Variants in MED1 observed in about 807,000 individuals in gnomAD.
MED1 encodes the protein mediator of RNA polymerase II transcription subunit 1.
MED1 carries 17 observed loss-of-function variants against 121.3 expected under a neutral mutation model. The observed-to-expected ratio is 0.14, with a 90% CI of 0.10 to 0.21. The LOEUF is 0.21. Ranked by LOEUF, MED1 falls within the 10% of genes least tolerant of loss-of-function variation. The pLI is 1.00. For missense variants in MED1, 1,558 were observed against 1,919.4 expected (o/e 0.81, Z 3.52); for synonymous variants, 661 against 694.4 (o/e 0.95, Z 0.76).
chr17:39,434,526 T>C (rs2048600179), intron 6 of MED1, among the ~76,000 whole-genome samples: 2 of 152,202 alleles, frequency 1.3e-5, no homozygotes, highest in Admixed American at 6.6e-5. Context: ...TCCTCCATTT[T>C]TTCTGGAGAA....
chr17:39,447,818 T>A lies in MED1; in HGVS notation c.112A>T (p.Lys38Ter). ...NQNRPWSETI[K>*]LVRQVMEKRV... Reference sequence around the variant, plus strand: ...CTTACCATGACTTGACGCACAAGCTTAATGGTTTCACTCCAGGGTCTATTT... The same window carrying A: ...CTTACCATGACTTGACGCACAAGCTAAATGGTTTCACTCCAGGGTCTATTT... Residue 38 changes from lysine to a stop codon, truncating the protein, a stop_gained, in exon 2 of 17, where the codon AAG (lysine) becomes TAG (stop). Coordinates refer to ENST00000300651, the MANE Select transcript of MED1 (RefSeq NM_004774.4). LOFTEE classifies it high-confidence loss of function. The A allele has an allele frequency of 6.2e-7, 1 of 1,613,280 alleles. No homozygotes were observed. The highest frequency in any genetic ancestry group is 8.5e-7 in the Non-Finnish European group (1 of 1,179,364).
chr17:39,447,955 C>T, intron 1 of MED1, 51 bp from the exon 2 acceptor site: 1 of 1,178,936 alleles, frequency 8.5e-7, no homozygotes, highest in Non-Finnish European at 1.2e-6. Flanking sequence ...TCAAGACCAT[C>T]CACAGTTTTC....
At chr17:39,426,053 G>T (rs1290368460) in intron 10 of MED1, among the ~76,000 whole-genome samples, 2 of 152,036 alleles carry the variant, frequency 1.3e-5, no homozygotes, top group African/African-American at 4.8e-5. Flanking sequence ...GATGGCTTGA[G>T]CCCAGGACTT....
chr17:39,422,158 A>G (rs1471558452), intron 13 of MED1, among the ~76,000 whole-genome samples: 1 of 150,622 alleles, frequency 6.6e-6, no homozygotes, highest in Non-Finnish European at 1.5e-5. Context: ...ATCACCCAAA[A>G]TTTCTTTTTC....
At chr17:39,413,363 A>G (rs1665196205) in intron 16 of MED1, among the ~76,000 whole-genome samples, 1 of 152,196 alleles carries the variant, frequency 6.6e-6, no homozygotes, top group Admixed American at 6.6e-5. Context: ...CCCAGGTTCA[A>G]GTGATTCTCC....
chr17:39,446,957 T>C (rs1301428790), intron 2 of MED1, among the ~76,000 whole-genome samples: 1 of 152,006 alleles, frequency 6.6e-6, no homozygotes, highest in African/African-American at 2.4e-5. Context: ...GAATCAAAAA[T>C]TCTACTAGTA....
intron 14 of MED1, among the ~76,000 whole-genome samples, chr17:39,418,770 T>C (rs1344931554): frequency 6.6e-6 from 1 of 150,404 alleles, no homozygotes. Flanking sequence ...CATCTTCGTG[T>C]GGAAACACAG....
chr17:39,409,133 G>A lies in MED1; in HGVS notation c.3088C>T (p.Pro1030Ser), dbSNP rs762345570. 1 of 1,614,166 alleles carries A rather than the reference G, an allele frequency of 6.2e-7. No individual in the cohort carries two copies. Among genetic ancestry groups the A allele is most frequent in the East Asian group, 2.2e-5 (1 of 44,888 alleles). Residue 1030 changes from proline (P) to serine (S), a missense_variant, in exon 17 of 17, where the codon CCT (proline) becomes TCT (serine). Coordinates refer to ENST00000300651, the MANE Select transcript of MED1 (RefSeq NM_004774.4). ...CCTGTACTGGTAGGTGGGGTAAAAG[G>A]TCTGTTAGAAGAACTATGAGATGGA... ...KSPSHSSSNR[P>S]FTPPTSTGGS...
intron 16 of MED1, among the ~76,000 whole-genome samples, chr17:39,411,577 G>A (rs112978735): frequency 4.6e-5 from 7 of 152,142 alleles, no homozygotes; most frequent in Admixed American, 1.3e-4. Flanking sequence ...AGCCAAGATC[G>A]TCCCATTGCA....
At chr17:39,427,542 T>G in intron 10 of MED1, 159 bp downstream of exon 10, 2 of 563,680 alleles carry the variant, frequency 3.5e-6, no homozygotes, top group East Asian at 6.0e-5. Context: ...TATATACATA[T>G]GTATGTACTT....
intron 7 of MED1, among the ~76,000 whole-genome samples, chr17:39,433,523 G>C (rs959621658): frequency 5.0e-5 from 7 of 140,080 alleles, no homozygotes; most frequent in South Asian, 4.3e-4. Context: ...AATTTTTTTT[G>C]TTACTATATA....
At chr17:39,427,115 G>A (rs1243754013) in intron 10 of MED1, among the ~76,000 whole-genome samples, 1 of 152,044 alleles carries the variant, frequency 6.6e-6, no homozygotes, top group Non-Finnish European at 1.5e-5. Flanking sequence ...TGAGTAAGCT[G>A]ATTATCTCAG....
In MED1 at chr17:39,410,123, G is replaced by A. The variant is rs751888236; in HGVS notation, c.2098C>T (p.Pro700Ser). Reference sequence around the variant, plus strand: ...AAGTCATCTTCAGTCTGGTGCTTTGGTTTCTCAGGTGGTAATCTTGATGAC... The same window carrying A: ...AAGTCATCTTCAGTCTGGTGCTTTGATTTCTCAGGTGGTAATCTTGATGAC... ...KKSSRLPPEK[P>S]KHQTEDDFQR... Residue 700 changes from proline to serine, a missense_variant, in exon 17 of 17, where the codon CCA becomes TCA. Transcript: ENST00000300651. 15 of 1,614,006 alleles carry A rather than the reference G, an allele frequency of 9.3e-6. No homozygotes were observed. Among genetic ancestry groups the A allele is most frequent in the African/African-American group, 2.7e-5 (2 of 74,900 alleles).
In MED1 at chr17:39,407,428, A is replaced by G; in HGVS notation, c.*47T>C. The G allele has an allele frequency of 6.5e-7, 1 of 1,545,674 alleles. No homozygotes were observed. The highest frequency in any genetic ancestry group is 8.7e-7 in the Non-Finnish European group (1 of 1,150,246). ...ATGGTGGTTTGCCTATAAACTTATCAATAGTTTTTTTTCCTCTGGCCCTGT... is the reference window on the plus strand; with the variant it reads ...ATGGTGGTTTGCCTATAAACTTATCGATAGTTTTTTTTCCTCTGGCCCTGT... On this transcript the variant is annotated 3_prime_UTR_variant, in exon 17 of 17. Transcript: ENST00000300651.
intron 1 of MED1, 31 bp from the exon 2 acceptor site, chr17:39,447,935 A>C: frequency 6.9e-7 from 1 of 1,443,414 alleles, no homozygotes; most frequent in East Asian, 2.3e-5. Context: ...CGTTATCAGT[A>C]ACTGTTCTAT....
At chr17:39,423,884 C>CA in intron 11 of MED1, 63 bp from the exon 12 acceptor site, 1 of 1,521,238 alleles carries the variant, frequency 6.6e-7, no homozygotes, top group South Asian at 1.3e-5. Flanking sequence ...AAAACCCAAA[C>CA]ACCTTTTTTT....
chr17:39,430,137 C>T (rs2048552037), intron 9 of MED1, among the ~76,000 whole-genome samples: 2 of 152,024 alleles, frequency 1.3e-5, no homozygotes, highest in South Asian at 4.1e-4. Context: ...GTAATCCCAG[C>T]ACTTTGGGCA....
chr17:39,436,025 T>C (rs982237579), intron 6 of MED1, among the ~76,000 whole-genome samples: 8 of 147,898 alleles, frequency 5.4e-5, no homozygotes, highest in African/African-American at 1.5e-4. Flanking sequence ...TGAGCCGAGA[T>C]TGCGCCACTG....
chr17:39,446,928 T>C (rs1157808839), intron 2 of MED1, among the ~76,000 whole-genome samples: 2 of 152,000 alleles, frequency 1.3e-5, no homozygotes, highest in Non-Finnish European at 2.9e-5. Context: ...TGATAAGACC[T>C]GGTCTCAAAA....
Sources: gnomAD v4.1 joint callset for allele counts (sites outside exome capture counted in the v4.1 genomes callset) on GRCh38, gnomAD v4.1.1 for gene constraint, MANE v1.5 for transcripts, NCBI Gene and HGNC (gene_info 2026-07-23, HGNC 2026-07-21) for gene names.